SLC9C1: variants seen among roughly 807,000 people sequenced by gnomAD.
SLC9C1 encodes solute carrier family 9 member C1, also known as sodium/hydrogen exchanger 10.
SLC9C1 carries 97 observed loss-of-function variants against 140.9 expected under a neutral mutation model. The observed-to-expected ratio is 0.69, with a 90% CI of 0.58 to 0.82. The LOEUF is 0.82. SLC9C1 is among the 40% of genes least tolerant of loss of function. SLC9C1 has a pLI of 0.00. For missense variants in SLC9C1, 1,340 were observed against 1,389.3 expected, an observed-to-expected ratio of 0.96 and a Z score of 0.56; for synonymous variants, 440 against 442.6, an observed-to-expected ratio of 0.99 and a Z score of 0.07.
At chr3:112,255,692 G>A (rs10934152) in intron 10 of SLC9C1, among the ~76,000 whole-genome samples, 89,913 of 151,804 alleles carry the variant, frequency 0.59, 27,129 homozygotes, top group East Asian at 0.79. Context: ...GAGCAAACCA[G>A]TCCCAAAGCT....
At chr3:112,192,497 T>A (rs1344237165) in intron 20 of SLC9C1, among the ~76,000 whole-genome samples, 1 of 152,242 alleles carries the variant, frequency 6.6e-6, no homozygotes, top group Non-Finnish European at 1.5e-5. Context: ...TTCATTCATC[T>A]ATTAATGGAC....
chr3:112,179,739 A>G (rs1373216014), intron 22 of SLC9C1, 38 bp from the exon 23 acceptor site: 4 of 1,522,056 alleles, frequency 2.6e-6, no homozygotes, highest in South Asian at 1.4e-5. Context: ...TACATATGCC[A>G]GTTAACTTGT....
chr3:112,264,273 G>A lies in SLC9C1; in HGVS notation c.949C>T (p.His317Tyr), dbSNP rs1203461436. 3 of 1,452,108 alleles carry A rather than the reference G, an allele frequency of 2.1e-6. No individual in the cohort carries two copies. The highest frequency in any genetic ancestry group is 2.7e-5 in the East Asian group (1 of 36,636). The allele number at this position is 1,452,108 out of a possible 1,614,324, so 90.0% of individuals were successfully genotyped here. Reference protein sequence around the residue: ...FTFFGLLIPAHTYLYIEFVDI... With the variant: ...FTFFGLLIPAYTYLYIEFVDI... ...ACAAATTCTATATACAAATATGTAT[G>A]TGCAGGAATTAGAAGTCCAAAGAAA... The change falls in exon 9 of 29, where the codon CAT (histidine) becomes TAT (tyrosine). Residue 317 changes from histidine to tyrosine, a missense_variant. Physicochemically the swap from His to Tyr is moderately conservative, Grantham distance 83. Transcript: ENST00000305815.
Position 112,244,036 on chromosome 3 carries a change from A to G in SLC9C1, c.1238T>C (p.Val413Ala), listed in dbSNP as rs376917313. ...CACTGGCAAAATAAATCTATTGACA[A>G]CAAGGGTTATTAGGCATACTAACAC... ...HGVLVCLITL[V>A]VNRFILPVAV... is the part of the protein sequence containing the mutation. The change falls in exon 11 of 29, where the codon GTT becomes GCT. Residue 413 changes from valine (V) to alanine (A), a missense_variant. Transcript: ENST00000305815. The G allele has an allele frequency of 7.5e-6, 12 of 1,607,990 alleles. No homozygotes were observed. The highest frequency in any genetic ancestry group is 9.3e-6 in the Non-Finnish European group (11 of 1,176,616).
At chr3:112,258,349 G>A (rs57964682) in intron 10 of SLC9C1, among the ~76,000 whole-genome samples, 45,050 of 152,040 alleles carry the variant, frequency 0.3, 7,227 homozygotes, top group East Asian at 0.43. Flanking sequence ...CACAGAATAT[G>A]TATTAGTCCA....
chr3:112,208,526 C>T (rs1487280645), intron 15 of SLC9C1, among the ~76,000 whole-genome samples, 153 bp from the exon 16 acceptor site: 1 of 152,164 alleles, frequency 6.6e-6, no homozygotes, highest in African/African-American at 2.4e-5. Flanking sequence ...TGGCATCCCA[C>T]TTCAGATACT....
At chr3:112,155,864 A>T (rs750562284) in intron 26 of SLC9C1, among the ~76,000 whole-genome samples, 1 of 152,220 alleles carries the variant, frequency 6.6e-6, no homozygotes, top group African/African-American at 2.4e-5. Flanking sequence ...TTTTTTTGAC[A>T]ATTTAAATAT....
chr3:112,167,085 T>C, intron 26 of SLC9C1, 136 bp downstream of exon 26: 2 of 879,234 alleles, frequency 2.3e-6, no homozygotes, highest in Non-Finnish European at 3.4e-6. Context: ...ACTCATACAT[T>C]GAATAGCAAA....
chr3:112,290,456 C>A (rs2080646315), intron 1 of SLC9C1, among the ~76,000 whole-genome samples: 1 of 152,026 alleles, frequency 6.6e-6, no homozygotes, highest in Non-Finnish European at 1.5e-5. Flanking sequence ...CATTTGCTGA[C>A]AAGTGTTCTT....
chr3:112,240,006 C>T lies in SLC9C1; in HGVS notation c.1280G>A (p.Gly427Asp). Residue 427 changes from glycine (G) to aspartate (D), a missense_variant and splice_region_variant, in exon 12 of 29, where the codon GGT (glycine) becomes GAT (aspartate). Coordinates refer to ENST00000305815, the MANE Select transcript of SLC9C1 (RefSeq NM_183061.3). ...FILPVAVTIL[G>D]LRDATSTKYK... ...TTTTGTTGATGTGGCATCACGAAGACCTTTGATACAAACACACATTTGATA... is the reference window on the plus strand; with the variant it reads ...TTTTGTTGATGTGGCATCACGAAGATCTTTGATACAAACACACATTTGATA... 6.2e-7 allele frequency: 1 copy of T among 1,607,686 alleles called. No homozygotes were observed. Among genetic ancestry groups the T allele is most frequent in the Non-Finnish European group, 8.5e-7 (1 of 1,176,822 alleles).
chr3:112,279,876 T>A (rs2080313154), intron 3 of SLC9C1, among the ~76,000 whole-genome samples: 1 of 152,212 alleles, frequency 6.6e-6, no homozygotes, highest in African/African-American at 2.4e-5. Context: ...TTTGCTGGGA[T>A]CATGAAACTG....
intron 5 of SLC9C1, among the ~76,000 whole-genome samples, chr3:112,277,406 G>A (rs1477483749): frequency 6.6e-6 from 1 of 152,130 alleles, no homozygotes; most frequent in Non-Finnish European, 1.5e-5. Flanking sequence ...TCCCAGAACT[G>A]TTCTGTTGGC....
chr3:112,143,167 G>C (rs936184209), intron 28 of SLC9C1, among the ~76,000 whole-genome samples: 3 of 151,958 alleles, frequency 2.0e-5, no homozygotes, highest in Admixed American at 1.3e-4. Flanking sequence ...CCATGTCTTT[G>C]CTATTTATTG....
intron 15 of SLC9C1, among the ~76,000 whole-genome samples, chr3:112,209,212 G>C (rs1231392878): frequency 6.6e-6 from 1 of 151,572 alleles, no homozygotes; most frequent in African/African-American, 2.4e-5. Flanking sequence ...GATACCATTT[G>C]AAAAAAAAAT....
intron 2 of SLC9C1, among the ~76,000 whole-genome samples, chr3:112,284,317 A>C (rs1482821792): frequency 6.6e-6 from 1 of 152,248 alleles, no homozygotes; most frequent in Non-Finnish European, 1.5e-5. Flanking sequence ...AATCAAAAAC[A>C]AATCCCAATC....
At chr3:112,184,365 C>T (rs1268964937) in intron 20 of SLC9C1, among the ~76,000 whole-genome samples, 2 of 109,632 alleles carry the variant, frequency 1.8e-5, no homozygotes, top group Admixed American at 9.8e-5. Context: ...GGGCCAGGTG[C>T]GGTGGCTCAT....
intron 23 of SLC9C1, among the ~76,000 whole-genome samples, chr3:112,178,196 T>C (rs1031564629): frequency 1.3e-5 from 2 of 151,890 alleles, no homozygotes; most frequent in African/African-American, 2.4e-5. Context: ...TGGAGTGCAG[T>C]GGTGCAATCA....
At chr3:112,168,130 A>C (rs894893995) in intron 25 of SLC9C1, among the ~76,000 whole-genome samples, 3 of 151,402 alleles carry the variant, frequency 2.0e-5, no homozygotes, top group Non-Finnish European at 4.4e-5. Flanking sequence ...GTTTCTTTTC[A>C]CTTGGTTGAG....
intron 10 of SLC9C1, among the ~76,000 whole-genome samples, chr3:112,259,077 G>A (rs974269633): frequency 6.6e-6 from 1 of 152,086 alleles, no homozygotes; most frequent in Non-Finnish European, 1.5e-5. Flanking sequence ...AGATTTGGGT[G>A]GGGACACAAA....
Sources: gnomAD v4.1 joint callset for allele counts (sites outside exome capture counted in the v4.1 genomes callset) on GRCh38, gnomAD v4.1.1 for gene constraint, MANE v1.5 for transcripts, NCBI Gene and HGNC (gene_info 2026-07-23, HGNC 2026-07-21) for gene names.